The following ZNF626 variants were observed in gnomAD, a reference collection of about 807,000 sequenced individuals.
ZNF626 encodes zinc finger protein 626.
ZNF626 carries 4 observed loss-of-function variants against 11.7 expected under a neutral mutation model. The ratio of observed to expected loss-of-function variants is 0.34; its 90% CI spans 0.17 to 0.78. ZNF626 has a LOEUF of 0.78. Among genes scored for constraint, ZNF626 ranks in the 30% least tolerant of loss-of-function variants. The probability of loss-of-function intolerance (pLI) is 0.57; values close to 1 mark genes in which losing one functional copy is unlikely to be tolerated. For missense variants in ZNF626, 588 were observed against 587.1 expected, an observed-to-expected ratio of 1.00 and a Z score of -0.01; for synonymous variants, 179 against 198.6, an observed-to-expected ratio of 0.90 and a Z score of 0.83.
chr19:20,658,545 T>A (rs2144797664), intron 1 of ZNF626, among the ~76,000 whole-genome samples: 1 of 152,308 alleles, frequency 6.6e-6, no homozygotes, highest in Non-Finnish European at 1.5e-5. Context: ...TCTGTCACCC[T>A]GGAAGAAGAC....
At chr19:20,658,850 T>G (rs1970233560) in intron 1 of ZNF626, among the ~76,000 whole-genome samples, 1 of 152,154 alleles carries the variant, frequency 6.6e-6, no homozygotes, top group Non-Finnish European at 1.5e-5. Context: ...TCTATGCTTC[T>G]GAGCTACTGT....
Position 20,624,990 on chromosome 19 carries a change from C to A in ZNF626, c.887G>T (p.Arg296Leu). The change falls in exon 4 of 4, where the codon CGG (arginine) becomes CTG (leucine). Residue 296 changes from arginine to leucine, a missense_variant. Transcript: ENST00000601440. ...KCEECGKAFN[R>L]SSTLTTHKII... ...CTTATGTGTAGTAAGGGTTGAGGAC[C>A]GGTTGAAGGCTTTGCCACATTCTTC... 1 of 1,583,286 alleles carries A rather than the reference C, an allele frequency of 6.3e-7. No individual in the cohort carries two copies. Among genetic ancestry groups the A allele is most frequent in the Non-Finnish European group, 8.6e-7 (1 of 1,166,898 alleles).
At chr19:20,655,174 G>A (rs1555772970) in intron 1 of ZNF626, among the ~76,000 whole-genome samples, 1 of 152,068 alleles carries the variant, frequency 6.6e-6, no homozygotes, top group Non-Finnish European at 1.5e-5. Context: ...AAAGATAACT[G>A]CTAATTGCTC....
chr19:20,642,509 T>C (rs7259846), intron 3 of ZNF626, among the ~76,000 whole-genome samples: 67,969 of 151,670 alleles, frequency 0.45, 16,494 homozygotes, highest in African/African-American at 0.64. Flanking sequence ...GGCAGAAGAA[T>C]GGCTTGAACT....
Position 20,624,034 on chromosome 19 carries a change from T to C in ZNF626, c.*256A>G. 2 of 688,068 alleles carry C rather than the reference T, an allele frequency of 2.9e-6. No individual in the cohort carries two copies. Among genetic ancestry groups the C allele is most frequent in the East Asian group, 2.7e-5 (1 of 36,758 alleles). 42.6% of individuals were successfully genotyped at this position (688,068 alleles called of 1,614,324 possible). Reference sequence around the variant, plus strand: ...ACATTCACATGGTTTCTCTCCAGTATGAATTATCTTATGTGCAGTAAGGTG... The same window carrying C: ...ACATTCACATGGTTTCTCTCCAGTACGAATTATCTTATGTGCAGTAAGGTG... On this transcript the variant is annotated 3_prime_UTR_variant, in exon 4 of 4. Transcript: ENST00000601440.
At chr19:20,651,545 T>C (rs904404260) in intron 1 of ZNF626, among the ~76,000 whole-genome samples, 1 of 152,234 alleles carries the variant, frequency 6.6e-6, no homozygotes, top group East Asian at 1.9e-4. Context: ...ACACCTCTTG[T>C]ATGAGGGGAT....
chr19:20,658,007 T>A (rs2144797046), intron 1 of ZNF626, among the ~76,000 whole-genome samples: 1 of 152,148 alleles, frequency 6.6e-6, no homozygotes, highest in South Asian at 2.1e-4. Flanking sequence ...GTATGCTTAG[T>A]ACCTCAGTGA....
intron 3 of ZNF626, among the ~76,000 whole-genome samples, chr19:20,626,129 A>G (rs1301228134): frequency 6.6e-6 from 1 of 151,978 alleles, no homozygotes; most frequent in Non-Finnish European, 1.5e-5. Context: ...GGGTGTGGCG[A>G]TGGGGCACCT....
At chr19:20,630,700 A>G (rs1178869447) in intron 3 of ZNF626, among the ~76,000 whole-genome samples, 19 of 151,894 alleles carry the variant, frequency 1.3e-4, no homozygotes, top group Admixed American at 1.2e-3. Context: ...CTAGTGGTCT[A>G]TCAATTTTGT....
rs62107364 is a variant in ZNF626, at chr19:20,638,149, G to A, written c.226+7535C>T. Among the ~76,000 whole-genome samples, 743 of 151,992 alleles carry A rather than the reference G, an allele frequency of 4.9e-3. 3 individuals carry two copies. Among genetic ancestry groups the A allele is most frequent in the Middle Eastern group, 0.027 (8 of 294 alleles). Reference sequence around the variant, plus strand: ...ATTTCAAAAATAAATGAGGCCAGGCGTGGTGGCTCATGCCTGTAATCCCAG... The same window carrying A: ...ATTTCAAAAATAAATGAGGCCAGGCATGGTGGCTCATGCCTGTAATCCCAG... On this transcript the variant is annotated intron_variant, in intron 3 of 3. Coordinates refer to ENST00000601440, the MANE Select transcript of ZNF626 (RefSeq NM_001076675.3).
At position 20,624,039 on chromosome 19, in the gene ZNF626, T is replaced by A; in HGVS notation, c.*251A>T. Reference sequence around the variant, plus strand: ...CACATGGTTTCTCTCCAGTATGAATTATCTTATGTGCAGTAAGGTGTGAGG... The same window carrying A: ...CACATGGTTTCTCTCCAGTATGAATAATCTTATGTGCAGTAAGGTGTGAGG... On this transcript the variant is annotated 3_prime_UTR_variant, in exon 4 of 4. Coordinates refer to ENST00000601440, the MANE Select transcript of ZNF626 (RefSeq NM_001076675.3). The A allele has an allele frequency of 1.4e-6, 1 of 703,546 alleles. No individual in the cohort carries two copies. The allele number at this position is 703,546 out of a possible 1,614,324, so 43.6% of individuals were successfully genotyped here. A position where few individuals can be genotyped will look rare whatever the true frequency, so the allele number is the denominator to read the frequency against.
intron 1 of ZNF626, among the ~76,000 whole-genome samples, chr19:20,655,934 CA>C (rs59003455): frequency 1.1e-3 from 147 of 129,362 alleles, no homozygotes; most frequent in Admixed American, 1.7e-3. Flanking sequence ...GACTTTGCCT[CA>C]AAAAAAAAAA....
rs1313878027 is a variant in ZNF626, at chr19:20,621,208, A to C, written c.*3082T>G. ...CAGTGGTGCTATCTCAGCTCACTGA[A>C]ACCTCCACCTCCCAGGTTCAAGCCA... On this transcript the variant is annotated 3_prime_UTR_variant, in exon 4 of 4. Transcript: ENST00000601440. 1 of 152,104 alleles carries C rather than the reference A, an allele frequency of 6.6e-6. No homozygotes were observed. Among genetic ancestry groups the C allele is most frequent in the Non-Finnish European group, 1.5e-5 (1 of 68,070 alleles). The allele number at this position is 152,104 out of a possible 1,614,324, so 9.4% of individuals were successfully genotyped here.
rs1276361139 is a variant in ZNF626 at position 20,623,516 on chromosome 19, T to C, written c.*774A>G. On this transcript the variant is annotated 3_prime_UTR_variant, in exon 4 of 4. Coordinates refer to ENST00000601440, the MANE Select transcript of ZNF626 (RefSeq NM_001076675.3). ...CATGTCTCTTAATAGTAAGAACTTG[T>C]GGCCAGGCATGGTGGCTCATGCCTG... The C allele has an allele frequency of 6.5e-6, 1 of 154,822 alleles. No individual in the cohort carries two copies. The highest frequency in any genetic ancestry group is 2.4e-5 in the African/African-American group (1 of 41,440). The allele number at this position is 154,822 out of a possible 1,614,324, so 9.6% of individuals were successfully genotyped here.
At chr19:20,631,959 C>CA (rs1555770394) in intron 3 of ZNF626, among the ~76,000 whole-genome samples, 1 of 151,874 alleles carries the variant, frequency 6.6e-6, no homozygotes, top group Non-Finnish European at 1.5e-5. Flanking sequence ...GTGCTTCCTT[C>CA]AGGAGCTCCT....
intron 3 of ZNF626, among the ~76,000 whole-genome samples, chr19:20,639,502 T>A (rs1182537107): frequency 6.6e-6 from 1 of 152,114 alleles, no homozygotes; most frequent in African/African-American, 2.4e-5. Context: ...CTTTGGGAGA[T>A]CAAGGTAAGA....
Position 20,623,887 on chromosome 19 carries a change from G to T in ZNF626, c.*403C>A. 5 of 303,502 alleles carry T rather than the reference G, an allele frequency of 1.6e-5. No individual in the cohort carries two copies. Among genetic ancestry groups the T allele is most frequent in the South Asian group, 6.4e-5 (2 of 31,048 alleles). 18.8% of individuals were successfully genotyped at this position (303,502 alleles called of 1,614,324 possible). ...GGTTTCTTTCCAGTATGAATTATGTGTAATAAAGGTTGAGAAGTTCCTTAA... is the reference window on the plus strand; with the variant it reads ...GGTTTCTTTCCAGTATGAATTATGTTTAATAAAGGTTGAGAAGTTCCTTAA... On this transcript the variant is annotated 3_prime_UTR_variant, in exon 4 of 4. Transcript: ENST00000601440.
At chr19:20,645,232 CTG>C (rs1970062288) in intron 3 of ZNF626, 19 of 1,337,724 alleles carry the variant, frequency 1.4e-5, no homozygotes, top group Non-Finnish European at 1.7e-5. Flanking sequence ...ACAGAATGGA[CTG>C]TGCAGAAAAA....
intron 1 of ZNF626, among the ~76,000 whole-genome samples, chr19:20,647,086 T>C (rs1344655088): frequency 1.3e-5 from 2 of 152,180 alleles, no homozygotes; most frequent in Non-Finnish European, 2.9e-5. Flanking sequence ...CCTCAGGTGA[T>C]CTGCCCACTT....
Sources: gnomAD v4.1 joint callset for allele counts (sites outside exome capture counted in the v4.1 genomes callset) on GRCh38, gnomAD v4.1.1 for gene constraint, MANE v1.5 for transcripts, NCBI Gene and HGNC (gene_info 2026-07-23, HGNC 2026-07-21) for gene names.